Variants in CSMD1 observed in about 807,000 individuals in gnomAD.
CSMD1 encodes CUB and Sushi multiple domains 1, also known as CUB and sushi domain-containing protein 1.
In CSMD1, 213 loss-of-function variants were observed where a neutral mutation model predicts 417.5. The ratio of observed to expected loss-of-function variants is 0.51; its 90% CI spans 0.46 to 0.57. CSMD1 has a LOEUF of 0.57. Among genes scored for constraint, CSMD1 ranks in the 20% least tolerant of loss-of-function variants. CSMD1 has a pLI of 0.00. For missense variants in CSMD1, 6,923 were observed against 4,529.7 expected, an observed-to-expected ratio of 1.53 and a Z score of -15.17; for synonymous variants, 2,862 against 1,736.8, an observed-to-expected ratio of 1.65 and a Z score of -16.11.
intron 3 of CSMD1, among the ~76,000 whole-genome samples, chr8:4,052,845 T>A (rs180809888): frequency 5.5e-4 from 83 of 152,164 alleles, no homozygotes; most frequent in Admixed American, 1.2e-3. Context: ...GGTAAACCCC[T>A]CTCCATCTCT....
At chr8:3,799,517 A>G (rs73658273) in intron 5 of CSMD1, among the ~76,000 whole-genome samples, 250 of 151,366 alleles carry the variant, frequency 1.7e-3, no homozygotes, top group African/African-American at 4.8e-3. Context: ...GCATACATGT[A>G]ACATTAGGTA....
chr8:3,269,853 C>T (rs765384908), intron 26 of CSMD1, among the ~76,000 whole-genome samples: 4 of 152,082 alleles, frequency 2.6e-5, no homozygotes, highest in East Asian at 1.9e-4. Context: ...GGACAGTGGA[C>T]CTTTAATGGG....
At chr8:3,820,266 A>G (rs1183388539) in intron 5 of CSMD1, among the ~76,000 whole-genome samples, 1 of 152,174 alleles carries the variant, frequency 6.6e-6, no homozygotes, top group African/African-American at 2.4e-5. Flanking sequence ...GCAAATGGGA[A>G]GGTAGAAATA....
chr8:3,451,752 C>G (rs560349271), intron 12 of CSMD1, among the ~76,000 whole-genome samples: 2 of 152,104 alleles, frequency 1.3e-5, no homozygotes, highest in African/African-American at 4.8e-5. Flanking sequence ...GGTAGCATGA[C>G]GCCTCCAGCT....
chr8:3,973,580 A>C (rs1029284105), intron 5 of CSMD1, among the ~76,000 whole-genome samples: 3 of 152,196 alleles, frequency 2.0e-5, no homozygotes, highest in African/African-American at 7.2e-5. Context: ...AATTTTAAAA[A>C]AGAAGGAAAA....
intron 3 of CSMD1, among the ~76,000 whole-genome samples, chr8:4,317,224 G>T (rs1223131370): frequency 1.3e-5 from 2 of 151,964 alleles, no homozygotes; most frequent in South Asian, 2.1e-4. Flanking sequence ...TAACAATCTG[G>T]TAAGGTAGGC....
At chr8:3,538,902 A>C (rs918835504) in intron 10 of CSMD1, among the ~76,000 whole-genome samples, 3 of 152,082 alleles carry the variant, frequency 2.0e-5, no homozygotes, top group Non-Finnish European at 4.4e-5. Context: ...CTTCACCTAC[A>C]CACCATGCTG....
At chr8:3,384,195 T>G (rs924318056) in intron 18 of CSMD1, among the ~76,000 whole-genome samples, 1 of 152,152 alleles carries the variant, frequency 6.6e-6, no homozygotes, top group African/African-American at 2.4e-5. Flanking sequence ...AATAAATATG[T>G]AGACATCTTT....
At chr8:4,162,897 C>G (rs553400499) in intron 3 of CSMD1, among the ~76,000 whole-genome samples, 2 of 152,114 alleles carry the variant, frequency 1.3e-5, no homozygotes, top group Non-Finnish European at 1.5e-5. Context: ...CTGTTGATTT[C>G]CCCTTCCTCC....
chr8:3,024,274 G>C (rs377756705), intron 51 of CSMD1, among the ~76,000 whole-genome samples: 4 of 136,210 alleles, frequency 2.9e-5, no homozygotes, highest in African/African-American at 1.1e-4. Context: ...CCCAGATAAT[G>C]TTTACATTTT....
chr8:4,039,800 G>T (rs1797794894), intron 3 of CSMD1, among the ~76,000 whole-genome samples: 1 of 152,176 alleles, frequency 6.6e-6, no homozygotes, highest in Non-Finnish European at 1.5e-5. Flanking sequence ...TATGGCACAG[G>T]GAGTTACAGT....
chr8:4,992,479 A>G (rs367656203), intron 1 of CSMD1, among the ~76,000 whole-genome samples: 65 of 152,274 alleles, frequency 4.3e-4, no homozygotes, highest in African/African-American at 1.6e-3. Flanking sequence ...CTTGGAGTGC[A>G]GGGGAAAGGG....
At chr8:3,476,897 A>C (rs1585221752) in intron 11 of CSMD1, among the ~76,000 whole-genome samples, 1 of 128,838 alleles carries the variant, frequency 7.8e-6, no homozygotes, top group African/African-American at 3.1e-5. Context: ...TGAGCAACAG[A>C]GCGAAACTCC....
At chr8:4,905,438 G>A (rs1805179721) in intron 1 of CSMD1, among the ~76,000 whole-genome samples, 1 of 152,034 alleles carries the variant, frequency 6.6e-6, no homozygotes, top group Non-Finnish European at 1.5e-5. Flanking sequence ...TGTACACATA[G>A]TAAAAGACTC....
intron 2 of CSMD1, among the ~76,000 whole-genome samples, chr8:4,557,481 T>C (rs932508518): frequency 2.0e-5 from 3 of 152,114 alleles, no homozygotes; most frequent in Non-Finnish European, 2.9e-5. Context: ...ACATTGATTC[T>C]ATCATTTAAA....
chr8:4,451,509 C>T (rs1799143442), intron 2 of CSMD1, among the ~76,000 whole-genome samples: 1 of 152,046 alleles, frequency 6.6e-6, no homozygotes. Context: ...AACAAGTTTT[C>T]TTATCACAAA....
At chr8:3,402,428 G>T (rs1812092362) in intron 15 of CSMD1, among the ~76,000 whole-genome samples, 1 of 152,110 alleles carries the variant, frequency 6.6e-6, no homozygotes, top group Non-Finnish European at 1.5e-5. Flanking sequence ...CCCCAAAATA[G>T]CTTGAGATTT....
intron 3 of CSMD1, among the ~76,000 whole-genome samples, chr8:4,169,789 G>C (rs1224193748): frequency 1.3e-5 from 2 of 152,052 alleles, no homozygotes; most frequent in East Asian, 3.9e-4. Context: ...ACCGTTAAAC[G>C]TATCTTCCTT....
At chr8:3,963,544 A>C (rs541002735) in intron 5 of CSMD1, among the ~76,000 whole-genome samples, 52 of 152,320 alleles carry the variant, frequency 3.4e-4, no homozygotes, top group Non-Finnish European at 5.6e-4. Flanking sequence ...TATAAACATA[A>C]AATTCGTATT....
Sources: gnomAD v4.1 joint callset for allele counts (sites outside exome capture counted in the v4.1 genomes callset) on GRCh38, gnomAD v4.1.1 for gene constraint, MANE v1.5 for transcripts, NCBI Gene and HGNC (gene_info 2026-07-23, HGNC 2026-07-21) for gene names.